PLLP: variants seen among roughly 807,000 people sequenced by gnomAD.
PLLP encodes plasmolipin, also known as plasma membrane proteolipid (plasmolipin).
In PLLP, 15 loss-of-function variants were observed where a neutral mutation model predicts 19.7. The ratio of observed to expected loss-of-function variants is 0.76; its 90% CI spans 0.51 to 1.17. The LOEUF is 1.17. Ranked by LOEUF, PLLP falls within the 50% of genes most tolerant of loss-of-function variation. The probability of loss-of-function intolerance (pLI) is 0.00; values close to 1 mark genes in which losing one functional copy is unlikely to be tolerated. For synonymous variants in PLLP, 111 were observed against 116.3 expected, an observed-to-expected ratio of 0.95 and a Z score of 0.29; for missense variants, 255 against 258.3, an observed-to-expected ratio of 0.99 and a Z score of 0.09.
At chr16:57,283,764 A>C (rs2146454139) in intron 1 of PLLP, among the ~76,000 whole-genome samples, 1 of 152,302 alleles carries the variant, frequency 6.6e-6, no homozygotes, top group African/African-American at 2.4e-5. Flanking sequence ...GGGCTGGCTA[A>C]ACCGGCTGAA....
At chr16:57,260,557 C>T (rs1230706327) in intron 2 of PLLP, among the ~76,000 whole-genome samples, 2 of 152,174 alleles carry the variant, frequency 1.3e-5, no homozygotes, top group East Asian at 1.9e-4. Flanking sequence ...CACGTTTCCT[C>T]GGTTTAAAAA....
intron 1 of PLLP, among the ~76,000 whole-genome samples, chr16:57,270,121 G>C (rs1014175028): frequency 6.6e-6 from 1 of 152,110 alleles, no homozygotes; most frequent in South Asian, 2.1e-4. Context: ...TAGAAACAAC[G>C]TAACGGCCAA....
intron 1 of PLLP, among the ~76,000 whole-genome samples, chr16:57,270,055 C>T (rs568378014): frequency 6.6e-6 from 1 of 152,282 alleles, no homozygotes; most frequent in Non-Finnish European, 1.5e-5. Flanking sequence ...AGGCGTGAGC[C>T]ACTGCACCTG....
rs1305261537 is a variant in PLLP at position 57,256,271 on chromosome 16, G to C, written c.*642C>G. ...GCCCAAAGGGAGTATTACAGAGAGA[G>C]GCTTGGGAAAGGGAAGGAAACCTGG... is the stretch of plus-strand genomic sequence containing the variant. On this transcript the variant is annotated 3_prime_UTR_variant, in exon 4 of 4. Transcript: ENST00000219207. 1 of 386,646 alleles carries C rather than the reference G, an allele frequency of 2.6e-6. No homozygotes were observed. The highest frequency in any genetic ancestry group is 2.1e-5 in the African/African-American group (1 of 48,398). 24.0% of individuals were successfully genotyped at this position (386,646 alleles called of 1,614,324 possible). A position where few individuals can be genotyped will look rare whatever the true frequency, so the allele number is the denominator to read the frequency against.
At chr16:57,266,762 C>G (rs1176112112) in intron 1 of PLLP, among the ~76,000 whole-genome samples, 2 of 151,974 alleles carry the variant, frequency 1.3e-5, no homozygotes, top group African/African-American at 2.4e-5. Flanking sequence ...AAACCACATC[C>G]TCCCCTCCTT....
intron 1 of PLLP, among the ~76,000 whole-genome samples, chr16:57,272,447 G>A (rs766443630): frequency 6.6e-6 from 1 of 152,158 alleles, no homozygotes; most frequent in Non-Finnish European, 1.5e-5. Flanking sequence ...TCCTTCCATC[G>A]GCCCCTCCAG....
At chr16:57,268,154 C>A (rs2075463551) in intron 1 of PLLP, among the ~76,000 whole-genome samples, 1 of 152,200 alleles carries the variant, frequency 6.6e-6, no homozygotes, top group Non-Finnish European at 1.5e-5. Context: ...TCCCTCAGAG[C>A]CCCAGAAGAA....
intron 1 of PLLP, among the ~76,000 whole-genome samples, chr16:57,270,868 CTT>C (rs1419176608): frequency 1.3e-5 from 2 of 152,220 alleles, no homozygotes; most frequent in East Asian, 3.9e-4. Flanking sequence ...CCTAAGCTCT[CTT>C]TTCTCGTCGG....
intron 1 of PLLP, among the ~76,000 whole-genome samples, chr16:57,268,653 G>A (rs2075465094): frequency 1.3e-5 from 2 of 152,128 alleles, no homozygotes; most frequent in Non-Finnish European, 2.9e-5. Flanking sequence ...ACCACTCCTA[G>A]CTATTTTTAA....
intron 1 of PLLP, among the ~76,000 whole-genome samples, chr16:57,283,862 G>A (rs1432177387): frequency 6.6e-6 from 1 of 152,200 alleles, no homozygotes; most frequent in Non-Finnish European, 1.5e-5. Context: ...GTGTTGGGGA[G>A]TCGGATGTGC....
chr16:57,257,110 AG>A, intron 3 of PLLP, 81 bp from the exon 4 acceptor site: 1 of 1,005,258 alleles, frequency 9.9e-7, no homozygotes, highest in African/African-American at 1.6e-5. Context: ...GCCAGGCAGG[AG>A]GGGTTGTGGC....
chr16:57,276,458 G>C (rs1466522633), intron 1 of PLLP, among the ~76,000 whole-genome samples: 3 of 152,114 alleles, frequency 2.0e-5, no homozygotes, highest in Non-Finnish European at 2.9e-5. Context: ...CGGGCTTGGT[G>C]GTGGGCGCCT....
rs1036018290 is a variant in PLLP at position 57,256,346 on chromosome 16, A to G, written c.*567T>C. Reference sequence around the variant, plus strand: ...CACTTAAAACTGATTTGCTTTCAGTAACTGGTATGTCTGAAATGCAGGGAG... The same window carrying G: ...CACTTAAAACTGATTTGCTTTCAGTGACTGGTATGTCTGAAATGCAGGGAG... On this transcript the variant is annotated 3_prime_UTR_variant, in exon 4 of 4. Coordinates refer to ENST00000219207, the MANE Select transcript of PLLP (RefSeq NM_015993.3). 14 of 305,558 alleles carry G rather than the reference A, an allele frequency of 4.6e-5. No individual in the cohort carries two copies. The highest frequency in any genetic ancestry group is 3.2e-4 in the East Asian group (6 of 18,984). The allele number at this position is 305,558 out of a possible 1,614,324, so 18.9% of individuals were successfully genotyped here.
At chr16:57,282,830 A>T (rs1291385958) in intron 1 of PLLP, among the ~76,000 whole-genome samples, 1 of 152,100 alleles carries the variant, frequency 6.6e-6, no homozygotes, top group Non-Finnish European at 1.5e-5. Flanking sequence ...GATTTCAGTG[A>T]AGTCTCTGCT....
intron 1 of PLLP, among the ~76,000 whole-genome samples, chr16:57,271,119 C>T (rs550456215): frequency 6.6e-6 from 1 of 152,254 alleles, no homozygotes; most frequent in East Asian, 1.9e-4. Flanking sequence ...CATTGTATCG[C>T]TTGTTATTCC....
intron 1 of PLLP, among the ~76,000 whole-genome samples, chr16:57,278,567 T>C (rs1192812458): frequency 6.6e-6 from 1 of 152,176 alleles, no homozygotes; most frequent in African/African-American, 2.4e-5. Context: ...TACACATTAA[T>C]TCCCAAACAC....
At chr16:57,265,917 C>T (rs1375994930) in intron 1 of PLLP, among the ~76,000 whole-genome samples, 2 of 152,120 alleles carry the variant, frequency 1.3e-5, no homozygotes, top group African/African-American at 4.8e-5. Context: ...GTCGCAGATA[C>T]TTGGGAAGCT....
chr16:57,278,491 T>G (rs1422572205), intron 1 of PLLP, among the ~76,000 whole-genome samples: 2 of 152,178 alleles, frequency 1.3e-5, no homozygotes, highest in African/African-American at 4.8e-5. Flanking sequence ...AACTACAGCT[T>G]TAGTGTAATC....
At chr16:57,284,136 A>T (rs1314401178) in intron 1 of PLLP, among the ~76,000 whole-genome samples, 1 of 152,108 alleles carries the variant, frequency 6.6e-6, no homozygotes, top group Admixed American at 6.6e-5. Context: ...ACGATGGGGC[A>T]CGGGCAGTGG....
Sources: allele counts gnomAD v4.1 joint callset (sites outside exome capture counted in the v4.1 genomes callset), GRCh38; gene constraint gnomAD v4.1.1; transcripts MANE v1.5; gene names NCBI Gene and HGNC (gene_info 2026-07-23, HGNC 2026-07-21).